LUZP2: variants seen among roughly 807,000 people sequenced by gnomAD.
The protein encoded by LUZP2 is leucine zipper protein 2.
Under a neutral mutation model 51.6 loss-of-function variants are expected in LUZP2, and 52 were observed. The observed-to-expected ratio is 1.01, with a 90% CI of 0.81 to 1.27. The LOEUF (loss-of-function observed/expected upper bound fraction) is 1.27, where lower values mean the gene tolerates loss of function less well. LUZP2 is among the 50% of genes most tolerant of loss of function. The pLI is 0.00. For missense variants in LUZP2, 436 were observed against 395.4 expected (o/e 1.10, Z -0.87); for synonymous variants, 154 against 137.3 (o/e 1.12, Z -0.85).
At chr11:24,818,760 C>A (rs1485835527) in intron 5 of LUZP2, among the ~76,000 whole-genome samples, 3 of 152,138 alleles carry the variant, frequency 2.0e-5, no homozygotes, top group African/African-American at 7.2e-5. Context: ...CACAGAGACG[C>A]TTTCATGACC....
chr11:24,556,877 A>G (rs374593714), intron 1 of LUZP2, among the ~76,000 whole-genome samples: 76 of 152,246 alleles, frequency 5.0e-4, no homozygotes, highest in African/African-American at 1.6e-3. Context: ...CTCTTTGGCC[A>G]TATGGTACTA....
intron 7 of LUZP2, among the ~76,000 whole-genome samples, chr11:24,924,067 C>T (rs1854155657): frequency 6.6e-6 from 1 of 151,496 alleles, no homozygotes; most frequent in African/African-American, 2.4e-5. Context: ...CACCCAGCCC[C>T]CACTCCCCGG....
At chr11:24,745,695 T>A (rs1204780900) in intron 4 of LUZP2, among the ~76,000 whole-genome samples, 1 of 152,104 alleles carries the variant, frequency 6.6e-6, no homozygotes. Context: ...TGTTTTGTTT[T>A]GAGATGGAGT....
At chr11:24,549,201 A>G (rs1851650359) in intron 1 of LUZP2, among the ~76,000 whole-genome samples, 1 of 152,018 alleles carries the variant, frequency 6.6e-6, no homozygotes, top group Non-Finnish European at 1.5e-5. Context: ...AGTTTGTTAT[A>G]TATTATTTAC....
chr11:24,551,916 T>C (rs985899585), intron 1 of LUZP2, among the ~76,000 whole-genome samples: 4 of 151,816 alleles, frequency 2.6e-5, no homozygotes, highest in Non-Finnish European at 5.9e-5. Context: ...CCATTAAACA[T>C]ACACACATAC....
chr11:24,862,675 T>C (rs1851774951), intron 5 of LUZP2, among the ~76,000 whole-genome samples: 1 of 152,112 alleles, frequency 6.6e-6, no homozygotes, highest in South Asian at 2.1e-4. Context: ...GGCTCAAAAT[T>C]ATGGGATGGA....
chr11:24,984,536 AT>A (rs1187621358), intron 9 of LUZP2, among the ~76,000 whole-genome samples: 5 of 86,354 alleles, frequency 5.8e-5, no homozygotes, highest in Non-Finnish European at 1.1e-4. Flanking sequence ...ATATATATAT[AT>A]ATATATATAT....
At chr11:24,970,347 T>G (rs74531950) in intron 7 of LUZP2, among the ~76,000 whole-genome samples, 225 of 152,326 alleles carry the variant, frequency 1.5e-3, no homozygotes, top group African/African-American at 5.2e-3. Flanking sequence ...AAGATTTTAT[T>G]ACTTTTAATG....
intron 1 of LUZP2, among the ~76,000 whole-genome samples, chr11:24,665,247 GT>G (rs1293967873): frequency 6.6e-6 from 1 of 152,064 alleles, no homozygotes; most frequent in African/African-American, 2.4e-5. Context: ...AAGCCCCTTT[GT>G]TTTGGCCAAT....
intron 5 of LUZP2, among the ~76,000 whole-genome samples, chr11:24,854,861 C>T (rs1489694680): frequency 6.6e-6 from 1 of 152,174 alleles, no homozygotes; most frequent in Non-Finnish European, 1.5e-5. Context: ...CAATCCCTCA[C>T]AGCTTCCCTT....
chr11:24,542,672 A>T (rs1192782310), intron 1 of LUZP2, among the ~76,000 whole-genome samples: 11 of 152,090 alleles, frequency 7.2e-5, no homozygotes, highest in Admixed American at 5.9e-4. Flanking sequence ...AGCCATAATT[A>T]TACAGAAGAT....
intron 4 of LUZP2, among the ~76,000 whole-genome samples, chr11:24,757,138 C>A (rs1255596207): frequency 6.6e-6 from 1 of 152,116 alleles, no homozygotes; most frequent in Non-Finnish European, 1.5e-5. Context: ...GTGTGTATAT[C>A]ATGAAGCTCT....
chr11:24,955,776 GA>G, intron 7 of LUZP2, among the ~76,000 whole-genome samples: 1 of 152,090 alleles, frequency 6.6e-6, no homozygotes, highest in East Asian at 1.9e-4. Context: ...CAAACTTAAT[GA>G]CCTCTAAAGA....
At chr11:24,744,601 C>A (rs1317268993) in intron 4 of LUZP2, among the ~76,000 whole-genome samples, 1 of 152,028 alleles carries the variant, frequency 6.6e-6, no homozygotes, top group Non-Finnish European at 1.5e-5. Flanking sequence ...TTTCTCTCTT[C>A]TTTTCTTGGT....
chr11:24,839,668 C>T (rs2716508), intron 5 of LUZP2, among the ~76,000 whole-genome samples: 23,058 of 151,488 alleles, frequency 0.15, 1,933 homozygotes, highest in African/African-American at 0.2. Context: ...ACTGTTAAAA[C>T]ACATTTCCTT....
chr11:24,762,949 T>A, intron 4 of LUZP2: 2 of 959,088 alleles, frequency 2.1e-6, no homozygotes, highest in Non-Finnish European at 2.5e-6. Context: ...ACCACATTTT[T>A]AAAAGGAAAT....
chr11:24,824,528 G>T (rs1348698076), intron 5 of LUZP2, among the ~76,000 whole-genome samples: 1 of 151,882 alleles, frequency 6.6e-6, no homozygotes, highest in African/African-American at 2.4e-5. Flanking sequence ...TTAATAAACA[G>T]TGAGCTAAGA....
intron 1 of LUZP2, among the ~76,000 whole-genome samples, chr11:24,531,312 C>T (rs1451047754): frequency 6.7e-6 from 1 of 150,326 alleles, no homozygotes; most frequent in Non-Finnish European, 1.5e-5. Flanking sequence ...ATTTTAATTG[C>T]CACATAAAGA....
intron 9 of LUZP2, among the ~76,000 whole-genome samples, chr11:24,987,804 A>C (rs1856230710): frequency 6.6e-6 from 1 of 151,892 alleles, no homozygotes; most frequent in African/African-American, 2.4e-5. Context: ...GTTACAAAGT[A>C]GTTTTTTAAG....
Sources: allele counts gnomAD v4.1 joint callset (sites outside exome capture counted in the v4.1 genomes callset), GRCh38; gene constraint gnomAD v4.1.1; transcripts MANE v1.5; gene names NCBI Gene and HGNC (gene_info 2026-07-23, HGNC 2026-07-21).